Variants in AACS observed in about 807,000 individuals in gnomAD.
AACS encodes the protein acetoacetyl-CoA synthetase, also known as acetoacetate-CoA ligase.
In AACS, 69 loss-of-function variants were observed where a neutral mutation model predicts 83.1. The ratio of observed to expected loss-of-function variants is 0.83; its 90% CI spans 0.68 to 1.01. The LOEUF (loss-of-function observed/expected upper bound fraction) is 1.01. Among genes scored for constraint, AACS ranks in the 50% least tolerant of loss-of-function variants. The probability of loss-of-function intolerance (pLI) is 0.00; values close to 1 mark genes in which losing one functional copy is unlikely to be tolerated. For synonymous variants in AACS, 333 were observed against 343.4 expected, an observed-to-expected ratio of 0.97 and a Z score of 0.33; for missense variants, 866 against 882.2, an observed-to-expected ratio of 0.98 and a Z score of 0.23.
chr12:125,130,025 C>G lies in AACS; in HGVS notation c.1549+565C>G, dbSNP rs960758199. Among the ~76,000 whole-genome samples the G allele has an allele frequency of 4.6e-5, 7 of 152,182 alleles. No homozygotes were observed. Among genetic ancestry groups the G allele is most frequent in the African/African-American group, 1.7e-4 (7 of 41,432 alleles). On this transcript the variant is annotated intron_variant, in intron 14 of 17. Transcript: ENST00000316519. The surrounding 1 kb of genome is among the most constrained non-coding windows in gnomAD (Gnocchi z 4.9). ...AAGCAGGGAAGTCTTTTATTTAAAGCTCTGATTCCTGCCTCCCTCTAATCT... is the reference window on the plus strand; with the variant it reads ...AAGCAGGGAAGTCTTTTATTTAAAGGTCTGATTCCTGCCTCCCTCTAATCT...
At chr12:125,073,758 T>C (rs1955941500) in intron 1 of AACS, 118 bp from the exon 2 acceptor site, 3 of 741,994 alleles carry the variant, frequency 4.0e-6, no homozygotes, top group Admixed American at 2.8e-5. Context: ...CCAGACCATT[T>C]CTCCTCAGAT....
At chr12:125,093,858 G>A (rs887764609) in intron 5 of AACS, among the ~76,000 whole-genome samples, 9 of 152,230 alleles carry the variant, frequency 5.9e-5, no homozygotes, top group Non-Finnish European at 1.3e-4. Context: ...AGATCCAGCC[G>A]GTTGGCAGGG....
At chr12:125,132,406 G>A (rs1311247155) in intron 14 of AACS, among the ~76,000 whole-genome samples, 1 of 152,208 alleles carries the variant, frequency 6.6e-6, no homozygotes, top group Non-Finnish European at 1.5e-5. Flanking sequence ...AAACAAGACT[G>A]TATGTTGTTG....
At chr12:125,093,666 G>A (rs543372129) in intron 5 of AACS, among the ~76,000 whole-genome samples, 19 of 152,046 alleles carry the variant, frequency 1.2e-4, no homozygotes, top group Non-Finnish European at 2.8e-4. Context: ...CATGGCTCCC[G>A]CAGCTTCTGG....
intron 8 of AACS, among the ~76,000 whole-genome samples, chr12:125,111,271 GA>G (rs1229159136): frequency 1.6e-4 from 24 of 150,816 alleles, no homozygotes; most frequent in African/African-American, 5.6e-4. Context: ...GTGAGCCACC[GA>G]GATGAGCATT....
intron 7 of AACS, among the ~76,000 whole-genome samples, chr12:125,103,392 T>A (rs530479632): frequency 1.3e-5 from 2 of 152,320 alleles, no homozygotes; most frequent in African/African-American, 2.4e-5. Flanking sequence ...AAATTTTGCA[T>A]TGGAAATCAT....
chr12:125,085,171 T>C lies in AACS; in HGVS notation c.359-1159T>C, dbSNP rs577559664. Among the ~76,000 whole-genome samples, 24 of 152,350 alleles carry C rather than the reference T, an allele frequency of 1.6e-4. No homozygotes were observed. The South Asian group carries it at 4.3e-3, about 28-fold the overall frequency. ...TGTCCTATATCTCAATTGTGGTGGTTGCAGGAAATTCCGTAAGGTGGCAGA... is the reference window on the plus strand; with the variant it reads ...TGTCCTATATCTCAATTGTGGTGGTCGCAGGAAATTCCGTAAGGTGGCAGA... On this transcript the variant is annotated intron_variant, in intron 3 of 17. Coordinates refer to ENST00000316519, the MANE Select transcript of AACS (RefSeq NM_023928.5).
At chr12:125,135,611 T>C (rs909923450) in intron 16 of AACS, among the ~76,000 whole-genome samples, 2 of 152,328 alleles carry the variant, frequency 1.3e-5, no homozygotes, top group Non-Finnish European at 2.9e-5. Flanking sequence ...TGGCCTCTTA[T>C]GCTAGTGCTT....
At chr12:125,124,099 G>C (rs1400378050) in intron 10 of AACS, 2 of 152,302 alleles carry the variant, frequency 1.3e-5, no homozygotes, top group African/African-American at 4.8e-5. Context: ...GAGCACTTGA[G>C]CCCAGGAGTT....
intron 7 of AACS, among the ~76,000 whole-genome samples, chr12:125,103,664 CAT>C (rs1283185229): frequency 6.6e-6 from 1 of 152,196 alleles, no homozygotes; most frequent in African/African-American, 2.4e-5. Flanking sequence ...GAATAAGCCA[CAT>C]GTTTTGTGTA....
chr12:125,078,412 C>G (rs1338000951), intron 3 of AACS: 1 of 445,386 alleles, frequency 2.2e-6, no homozygotes, highest in South Asian at 1.6e-5. Context: ...TCAGCCTTGA[C>G]ATGGTCATGG....
intron 5 of AACS, chr12:125,092,449 T>A (rs181796259): frequency 1.3e-5 from 2 of 152,440 alleles, no homozygotes; most frequent in East Asian, 3.9e-4. Context: ...AGAGGCTTGC[T>A]TTTTCAGTAA....
At position 125,089,919 on chromosome 12, in the gene AACS, A is replaced by G. The variant is rs537983161; in HGVS notation, c.473-1507A>G. Reference sequence around the variant, plus strand: ...CCATTTACCCATTATCCATCTATCCATCCATTTATCTATCCTCCACCCATC... The same window carrying G: ...CCATTTACCCATTATCCATCTATCCGTCCATTTATCTATCCTCCACCCATC... On this transcript the variant is annotated intron_variant, in intron 4 of 17. Transcript: ENST00000316519. Among the ~76,000 whole-genome samples the G allele has an allele frequency of 3.0e-3, 299 of 98,462 alleles. 2 individuals are homozygous for G. The highest frequency in any genetic ancestry group is 0.014 in the Middle Eastern group (2 of 138). 64.6% of individuals were successfully genotyped at this position (98,462 alleles called of 152,430 possible).
Position 125,140,426 on chromosome 12 carries a change from G to A in AACS, c.1882-1666G>A, listed in dbSNP as rs888730963. On this transcript the variant is annotated intron_variant, in intron 17 of 17. Transcript: ENST00000316519. This position sits in a 1 kb window ranked among gnomAD's most constrained non-coding sequence, Gnocchi z 5.1. Reference sequence around the variant, plus strand: ...CGGTATTAGCTCCCGTGAGCTGCACGTGGACCCCTGTGTGAAGCGTAGCAG... The same window carrying A: ...CGGTATTAGCTCCCGTGAGCTGCACATGGACCCCTGTGTGAAGCGTAGCAG... 2.0e-5 allele frequency: 3 copies of A among 152,192 alleles called. No individual in the cohort carries two copies. The highest frequency in any genetic ancestry group is 2.9e-5 in the Non-Finnish European group (2 of 68,050). 9.4% of individuals were successfully genotyped at this position (152,192 alleles called of 1,614,324 possible).
intron 10 of AACS, chr12:125,124,011 G>A (rs1957201150): frequency 1.3e-5 from 2 of 152,220 alleles, no homozygotes; most frequent in African/African-American, 4.8e-5. Flanking sequence ...AAAAGGGGAT[G>A]GGTGGAGAGT....
chr12:125,068,637 T>G (rs1955770339), intron 1 of AACS, among the ~76,000 whole-genome samples: 1 of 152,150 alleles, frequency 6.6e-6, no homozygotes, highest in South Asian at 2.1e-4. Flanking sequence ...TTTTCTCCTC[T>G]TACCACTCTT....
Position 125,130,440 on chromosome 12 carries a change from A to G in AACS, c.1549+980A>G, listed in dbSNP as rs1957314954. On this transcript the variant is annotated intron_variant, in intron 14 of 17. Transcript: ENST00000316519. This position sits in a 1 kb window ranked among gnomAD's most constrained non-coding sequence, Gnocchi z 4.9. ...GAGTGGATGTAGAGAAACACTCATC[A>G]GATGACCCTGAAGAGGAGGGTAGGG... Among the ~76,000 whole-genome samples the G allele has an allele frequency of 6.6e-6, 1 of 152,270 alleles. No individual in the cohort carries two copies. Among genetic ancestry groups the G allele is most frequent in the African/African-American group, 2.4e-5 (1 of 41,468 alleles).
At chr12:125,132,989 G>A (rs1242575392) in intron 14 of AACS, among the ~76,000 whole-genome samples, 1 of 152,238 alleles carries the variant, frequency 6.6e-6, no homozygotes, top group Admixed American at 6.5e-5. Flanking sequence ...CGTCAGTGAA[G>A]ACACAGAAGC....
intron 12 of AACS, 72 bp downstream of exon 12, chr12:125,125,096 T>A: frequency 1.3e-6 from 2 of 1,594,602 alleles, no homozygotes; most frequent in East Asian, 4.5e-5. Flanking sequence ...CTCTGCCCAG[T>A]GCTTGGATTC....
Sources: allele counts gnomAD v4.1 joint callset (sites outside exome capture counted in the v4.1 genomes callset), GRCh38; gene constraint gnomAD v4.1.1; non-coding constraint Gnocchi (gnomAD v3.1); transcripts MANE v1.5; gene names NCBI Gene and HGNC (gene_info 2026-07-23, HGNC 2026-07-21).